NFATC1: variants seen among roughly 807,000 people sequenced by gnomAD.
NFATC1 encodes nuclear factor of activated T-cells, cytoplasmic 1.
In NFATC1, 22 loss-of-function variants were observed where a neutral mutation model predicts 76.0. The observed-to-expected ratio is 0.29, with a 90% CI of 0.21 to 0.41. NFATC1 has a LOEUF of 0.41. Among genes scored for constraint, NFATC1 ranks in the 10% least tolerant of loss-of-function variants. The probability of loss-of-function intolerance (pLI) is 1.00; values close to 1 mark genes in which losing one functional copy is unlikely to be tolerated. For synonymous variants in NFATC1, 704 were observed against 613.1 expected (o/e 1.15, Z -2.19); for missense variants, 1,357 against 1,337.7 (o/e 1.01, Z -0.23).
intron 1 of NFATC1, among the ~76,000 whole-genome samples, chr18:79,401,459 C>A (rs796316821): frequency 4.9e-4 from 74 of 152,366 alleles, no homozygotes; most frequent in African/African-American, 1.8e-3. Context: ...GTCTTCCCTG[C>A]CTGGGCCTGG....
At chr18:79,472,153 G>GC (rs905446138) in intron 8 of NFATC1, among the ~76,000 whole-genome samples, 3 of 152,118 alleles carry the variant, frequency 2.0e-5, no homozygotes, top group Non-Finnish European at 4.4e-5. Flanking sequence ...GTGAGCCGTG[G>GC]GGGGGCGGGG....
chr18:79,419,665 A>G (rs2086003080), intron 2 of NFATC1, among the ~76,000 whole-genome samples: 4 of 152,352 alleles, frequency 2.6e-5, no homozygotes, highest in Admixed American at 2.6e-4. Flanking sequence ...AGATTTCCTA[A>G]GCTGCCTGTG....
intron 2 of NFATC1, among the ~76,000 whole-genome samples, chr18:79,430,199 G>A (rs1039908146): frequency 3.9e-5 from 6 of 152,226 alleles, no homozygotes; most frequent in African/African-American, 1.2e-4. Flanking sequence ...GTAATAGTCA[G>A]CTGCAGAGTG....
Position 79,466,630 on chromosome 18 carries a change from G to A in NFATC1, c.1960-820G>A, listed in dbSNP as rs970512055. Among the ~76,000 whole-genome samples the A allele has an allele frequency of 3.9e-5, 6 of 152,294 alleles. No homozygotes were observed. The South Asian group carries it at 1.0e-3, about 26-fold the overall frequency. On this transcript the variant is annotated intron_variant, in intron 7 of 9. Coordinates refer to ENST00000427363, the MANE Select transcript of NFATC1 (RefSeq NM_001278669.2). ...TACATTAAAAACATGAGAAGGTAAC[G>A]GCAGCCTCCACACGCCGCCCTCTGC...
At chr18:79,408,617 TGAG>T (rs1185525115) in intron 1 of NFATC1, among the ~76,000 whole-genome samples, 3 of 152,252 alleles carry the variant, frequency 2.0e-5, no homozygotes, top group Non-Finnish European at 2.9e-5. Context: ...ATCCAATCCT[TGAG>T]GAGTTTTCTT....
At chr18:79,441,676 T>A (rs2086981189) in intron 3 of NFATC1, among the ~76,000 whole-genome samples, 1 of 152,074 alleles carries the variant, frequency 6.6e-6, no homozygotes. Context: ...CCGCTTGGTG[T>A]CAGGCGACGC....
In NFATC1 at chr18:79,524,925, G is replaced by T. The variant is rs939887387; in HGVS notation, c.2783-2603G>T. ...CGGCCATGCAGGCGGCCTGTCCCAC[G>T]AACACGATGGAGACCTCAGACGCCG... is the stretch of plus-strand genomic sequence containing the variant. On this transcript the variant is annotated intron_variant, in intron 9 of 9. Coordinates refer to ENST00000427363, the MANE Select transcript of NFATC1 (RefSeq NM_001278669.2). The surrounding 1 kb of genome is among the most constrained non-coding windows in gnomAD (Gnocchi z 7.2). Among the ~76,000 whole-genome samples, 1 of 151,900 alleles carries T rather than the reference G, an allele frequency of 6.6e-6. No homozygotes were observed. Among genetic ancestry groups the T allele is most frequent in the African/African-American group, 2.4e-5 (1 of 41,324 alleles).
intron 3 of NFATC1, among the ~76,000 whole-genome samples, chr18:79,435,033 C>T (rs1045896614): frequency 6.6e-6 from 1 of 152,222 alleles, no homozygotes; most frequent in African/African-American, 2.4e-5. Context: ...CGCTCCGTCA[C>T]TGCAGGCCTG....
intron 1 of NFATC1, among the ~76,000 whole-genome samples, chr18:79,405,090 G>A (rs947456795): frequency 1.3e-5 from 2 of 152,200 alleles, no homozygotes; most frequent in African/African-American, 4.8e-5. Flanking sequence ...CCGCGTGGCC[G>A]TCTGTCCTAG....
intron 3 of NFATC1, among the ~76,000 whole-genome samples, chr18:79,435,430 C>T (rs1401529136): frequency 6.6e-6 from 1 of 151,218 alleles, no homozygotes; most frequent in African/African-American, 2.4e-5. Context: ...CTCACTGCAA[C>T]CTCTGTCTCC....
intron 3 of NFATC1, among the ~76,000 whole-genome samples, chr18:79,434,603 G>A (rs1423393887): frequency 6.6e-6 from 1 of 152,270 alleles, no homozygotes; most frequent in African/African-American, 2.4e-5. Flanking sequence ...AGGCTACGCG[G>A]CAGCACAGAG....
At chr18:79,494,046 G>A (rs972888984) in intron 9 of NFATC1, among the ~76,000 whole-genome samples, 23 of 152,226 alleles carry the variant, frequency 1.5e-4, no homozygotes, top group African/African-American at 4.8e-4. Flanking sequence ...CGTGCCCGAG[G>A]TGAGGCGGCC....
In NFATC1 at chr18:79,515,356, A is replaced by G. The variant is rs1259262161; in HGVS notation, c.2783-12172A>G. Among the ~76,000 whole-genome samples the G allele has an allele frequency of 4.6e-5, 7 of 150,994 alleles. No individual in the cohort carries two copies. In the East Asian group the frequency reaches 7.8e-4, roughly 17 times the overall value. On this transcript the variant is annotated intron_variant, in intron 9 of 9. Coordinates refer to ENST00000427363, the MANE Select transcript of NFATC1 (RefSeq NM_001278669.2). ...TCCATCTCAAAAAAAAAAAAAAAAA[A>G]AAGAAGGAAGGCAAGTTTCCCATCC...
At chr18:79,487,395 C>T (rs1450181447) in intron 9 of NFATC1, among the ~76,000 whole-genome samples, 1 of 152,230 alleles carries the variant, frequency 6.6e-6, no homozygotes, top group Non-Finnish European at 1.5e-5. Flanking sequence ...GCACGTTACC[C>T]CGTGCGGCTC....
chr18:79,454,687 C>T (rs954356378), intron 6 of NFATC1, among the ~76,000 whole-genome samples: 13 of 152,142 alleles, frequency 8.5e-5, no homozygotes, highest in Non-Finnish European at 1.6e-4. Flanking sequence ...ACAGCTTCCT[C>T]GGAAAACGAC....
chr18:79,464,700 T>TA (rs2088367547), intron 7 of NFATC1, among the ~76,000 whole-genome samples: 1 of 80,402 alleles, frequency 1.2e-5, no homozygotes, highest in Non-Finnish European at 2.5e-5. Context: ...ATATATTTAT[T>TA]TATTTATTTA....
intron 9 of NFATC1, among the ~76,000 whole-genome samples, chr18:79,499,225 T>A (rs1038587279): frequency 2.6e-5 from 4 of 152,250 alleles, no homozygotes; most frequent in African/African-American, 9.6e-5. Context: ...GGAAGGAAGT[T>A]ACAGCAAAGC....
intron 6 of NFATC1, among the ~76,000 whole-genome samples, chr18:79,458,108 T>C (rs1015755481): frequency 3.3e-5 from 5 of 152,174 alleles, no homozygotes; most frequent in African/African-American, 7.2e-5. Flanking sequence ...GAAAGGGCTG[T>C]GGGTCACAGG....
intron 2 of NFATC1, among the ~76,000 whole-genome samples, chr18:79,425,149 CTCTCTCCGTCTCTG>C (rs1353141811): frequency 1.4e-5 from 2 of 141,102 alleles, no homozygotes; most frequent in East Asian, 4.3e-4. Flanking sequence ...CTCTCTGTGT[CTCTCTCCGTCTCTG>C]TCTCTCCATC....
Sources: allele counts gnomAD v4.1 joint callset (sites outside exome capture counted in the v4.1 genomes callset), GRCh38; gene constraint gnomAD v4.1.1; non-coding constraint Gnocchi (gnomAD v3.1); transcripts MANE v1.5; gene names NCBI Gene and HGNC (gene_info 2026-07-23, HGNC 2026-07-21).